The following DDX46 variants were observed in gnomAD, a reference collection of about 807,000 sequenced individuals.
DDX46 encodes probable ATP-dependent RNA helicase DDX46.
Under a neutral mutation model 134.9 loss-of-function variants are expected in DDX46, and 30 were observed. The ratio of observed to expected loss-of-function variants is 0.22; its 90% CI spans 0.17 to 0.30. The LOEUF (loss-of-function observed/expected upper bound fraction) is 0.30, where lower values mean the gene tolerates loss of function less well. DDX46 is among the 10% of genes least tolerant of loss of function. DDX46 has a pLI of 1.00. For missense variants in DDX46, 622 were observed against 1,248.7 expected, an observed-to-expected ratio of 0.50 and a Z score of 7.56; for synonymous variants, 415 against 404.1, an observed-to-expected ratio of 1.03 and a Z score of -0.32.
rs1461352200 is a variant in DDX46, at chr5:134,808,665, C to G, written c.2148+724C>G. On this transcript the variant is annotated intron_variant, in intron 16 of 22. Transcript: ENST00000452510. Reference sequence around the variant, plus strand: ...CCACACCTACCAATTTCTCCTACTCCCCTCTTTACCTCCCTATCATTCATA... The same window carrying G: ...CCACACCTACCAATTTCTCCTACTCGCCTCTTTACCTCCCTATCATTCATA... 2.0e-5 allele frequency among the ~76,000 whole-genome samples: 3 copies of G among 152,078 alleles called. No individual in the cohort carries two copies. The South Asian group carries it at 6.2e-4, about 31-fold the overall frequency.
At chr5:134,827,629 A>T (rs1010322493) in intron 22 of DDX46, among the ~76,000 whole-genome samples, 1 of 152,202 alleles carries the variant, frequency 6.6e-6, no homozygotes, top group African/African-American at 2.4e-5. Flanking sequence ...AACTCCACAT[A>T]AGTGTAATCA....
rs1753886186 is a variant in DDX46 at position 134,774,877 on chromosome 5, GT to G, written c.613+1017del. Among the ~76,000 whole-genome samples, 3 of 151,660 alleles carry G rather than the reference GT, an allele frequency of 2.0e-5. No homozygotes were observed. In the South Asian group the frequency reaches 6.2e-4, roughly 32 times the overall value. Reference sequence around the variant, plus strand: ...TTTTTCTTTTTTCTTTTTTGACAGAGTCTTGCTCTGTCACCCAGGCGGCACT... The same window carrying G: ...TTTTTCTTTTTTCTTTTTTGACAGAGCTTGCTCTGTCACCCAGGCGGCACT... On this transcript the variant is annotated intron_variant, in intron 5 of 22. Transcript: ENST00000452510.
intron 15 of DDX46, among the ~76,000 whole-genome samples, chr5:134,803,722 G>T (rs1010177300): frequency 3.3e-5 from 5 of 152,062 alleles, no homozygotes; most frequent in African/African-American, 1.2e-4. Flanking sequence ...GTTCATGGTT[G>T]TTACCTGCCG....
At chr5:134,782,289 T>C (rs1754177673) in intron 8 of DDX46, among the ~76,000 whole-genome samples, 1 of 152,004 alleles carries the variant, frequency 6.6e-6, no homozygotes, top group East Asian at 1.9e-4. Context: ...GCGGATTGTC[T>C]GAGCTCAGAA....
intron 15 of DDX46, among the ~76,000 whole-genome samples, chr5:134,800,682 T>C (rs572994027): frequency 1.2e-4 from 18 of 152,236 alleles, no homozygotes; most frequent in African/African-American, 3.4e-4. Context: ...TTTGTTTGTT[T>C]GTTTGTTTTT....
chr5:134,781,361 G>C, intron 7 of DDX46, 115 bp downstream of exon 7: 2 of 776,336 alleles, frequency 2.6e-6, no homozygotes, highest in Non-Finnish European at 2.1e-6. Flanking sequence ...TCCCAGAATT[G>C]AGAGACATTC....
chr5:134,779,306 A>T (rs1268578300), intron 6 of DDX46, among the ~76,000 whole-genome samples: 2 of 146,902 alleles, frequency 1.4e-5, no homozygotes, highest in East Asian at 4.1e-4. Context: ...TGATTCTCCT[A>T]CCTCAGCCTC....
At position 134,805,467 on chromosome 5, in the gene DDX46, A is replaced by G. The variant is rs369908793; in HGVS notation, c.1955-2281A>G. Among the ~76,000 whole-genome samples the G allele has an allele frequency of 5.6e-4, 85 of 151,254 alleles. No homozygotes were observed. The South Asian group carries it at 0.016, about 29-fold the overall frequency. The stretch of plus-strand genomic sequence containing the variant: ...AGGCATGAGCCACCGCTTCTGGCTG[A>G]GGAACTGTATTTTTAAACAAATCCA... On this transcript the variant is annotated intron_variant, in intron 15 of 22. Coordinates refer to ENST00000452510, the MANE Select transcript of DDX46 (RefSeq NM_001300860.2).
chr5:134,827,136 A>G (rs1755611812), intron 22 of DDX46, 116 bp downstream of exon 22: 6 of 1,017,680 alleles, frequency 5.9e-6, no homozygotes, highest in Admixed American at 2.6e-5. Context: ...TTCACAAAGT[A>G]ATAAGCATAC....
chr5:134,821,188 C>T (rs914543216), intron 21 of DDX46, among the ~76,000 whole-genome samples: 2 of 151,986 alleles, frequency 1.3e-5, no homozygotes, highest in African/African-American at 4.8e-5. Flanking sequence ...CAGGCGCCCA[C>T]CACCATGCCC....
At chr5:134,787,585 G>C (rs1754376226) in intron 11 of DDX46, among the ~76,000 whole-genome samples, 1 of 152,122 alleles carries the variant, frequency 6.6e-6, no homozygotes, top group Admixed American at 6.5e-5. Context: ...TTTCATGACT[G>C]TAGTTTGTAG....
intron 15 of DDX46, among the ~76,000 whole-genome samples, chr5:134,805,794 A>C (rs1311084665): frequency 3.3e-5 from 5 of 152,016 alleles, no homozygotes; most frequent in Non-Finnish European, 7.4e-5. Context: ...CGGCCTCCGA[A>C]AGTGCTGGGA....
chr5:134,772,429 G>A (rs1035529035), intron 4 of DDX46, among the ~76,000 whole-genome samples: 1 of 152,076 alleles, frequency 6.6e-6, no homozygotes, highest in African/African-American at 2.4e-5. Context: ...GGCTGAGATA[G>A]GAGAATGGCT....
chr5:134,811,304 A>C lies in DDX46; in HGVS notation c.2232A>C (p.Ala744=), dbSNP rs768773411. The stretch of plus-strand genomic sequence containing the variant: ...AAGCTCTTGAATTGTCAGGGACTGC[A>C]GTACCTCCTGATTTAGAGAAACTGT... ...IIKALELSGT[A]VPPDLEKLWS... The change falls in exon 17 of 23, where the codon GCA becomes GCC. Residue 744 remains alanine, a synonymous_variant. Transcript: ENST00000452510. 1.9e-6 allele frequency: 3 copies of C among 1,613,994 alleles called. No homozygotes were observed. The East Asian group carries it at 6.7e-5, about 36-fold the overall frequency.
intron 4 of DDX46, among the ~76,000 whole-genome samples, chr5:134,771,726 A>C (rs1177549502): frequency 6.6e-6 from 1 of 151,898 alleles, no homozygotes; most frequent in African/African-American, 2.4e-5. Context: ...ACTTGTTTCT[A>C]TGCCAACAAA....
rs138598978 is a variant in DDX46, at chr5:134,825,458, C to T, written c.2978-1489C>T. 6.8e-3 allele frequency among the ~76,000 whole-genome samples: 1,040 copies of T among 152,222 alleles called. 8 individuals are homozygous for T. Among genetic ancestry groups the T allele is most frequent in the Non-Finnish European group, 9.5e-3 (646 of 68,018 alleles). On this transcript the variant is annotated intron_variant, in intron 21 of 22. Coordinates refer to ENST00000452510, the MANE Select transcript of DDX46 (RefSeq NM_001300860.2). ...CTGTTTCTGTCTCTCTTTCTAGCTC[C>T]GTCTCTGTCTCTCTCTGGGGACAGA... is the stretch of plus-strand genomic sequence containing the variant.
chr5:134,826,783 A>G, intron 21 of DDX46, 164 bp from the exon 22 acceptor site: 1 of 568,544 alleles, frequency 1.8e-6, no homozygotes, highest in Non-Finnish European at 3.1e-6. Flanking sequence ...AGCAGCCATT[A>G]TATAATGTGG....
chr5:134,815,150 G>A (rs1011364873), intron 18 of DDX46, among the ~76,000 whole-genome samples: 1 of 152,176 alleles, frequency 6.6e-6, no homozygotes, highest in Non-Finnish European at 1.5e-5. Context: ...TTGGGAGGCC[G>A]AGATATGAGG....
chr5:134,782,209 G>A, intron 8 of DDX46, 123 bp downstream of exon 8: 1 of 1,115,582 alleles, frequency 9.0e-7, no homozygotes, highest in Non-Finnish European at 1.2e-6. Flanking sequence ...TTTTTAAAAT[G>A]ATCAAAAATT....
Sources: gnomAD v4.1 joint callset for allele counts (sites outside exome capture counted in the v4.1 genomes callset) on GRCh38, gnomAD v4.1.1 for gene constraint, MANE v1.5 for transcripts, NCBI Gene and HGNC (gene_info 2026-07-23, HGNC 2026-07-21) for gene names.